The following PRDM16 variants were observed in gnomAD, a reference collection of about 807,000 sequenced individuals.
PRDM16 encodes histone-lysine N-methyltransferase PRDM16.
In PRDM16, 23 loss-of-function variants were observed where a neutral mutation model predicts 110.6. The ratio of observed to expected loss-of-function variants is 0.21; its 90% CI spans 0.15 to 0.29. The LOEUF is 0.29. Among genes scored for constraint, PRDM16 ranks in the 10% least tolerant of loss-of-function variants. PRDM16 has a pLI of 1.00. For missense variants in PRDM16, 1,615 were observed against 1,794.3 expected (o/e 0.90, Z 1.81); for synonymous variants, 799 against 781.8 (o/e 1.02, Z -0.37).
At chr1:3,184,048 T>C (rs1485800635) in intron 1 of PRDM16, among the ~76,000 whole-genome samples, 1 of 151,036 alleles carries the variant, frequency 6.6e-6, no homozygotes, top group African/African-American at 2.4e-5. Context: ...GCGGGGGTTA[T>C]GGGGGTGTTC....
At chr1:3,174,225 C>T (rs150463879) in intron 1 of PRDM16, among the ~76,000 whole-genome samples, 7 of 152,304 alleles carry the variant, frequency 4.6e-5, no homozygotes, top group African/African-American at 1.7e-4. Flanking sequence ...GTCACCTGGG[C>T]ATGTCTCTGT....
At chr1:3,131,934 T>G (rs1005491626) in intron 1 of PRDM16, among the ~76,000 whole-genome samples, 12 of 152,218 alleles carry the variant, frequency 7.9e-5, no homozygotes, top group Admixed American at 6.5e-5. Context: ...ATACTTAAAA[T>G]GCTAGTCCGT....
At chr1:3,343,263 G>T (rs116762128) in intron 3 of PRDM16, among the ~76,000 whole-genome samples, 1 of 147,684 alleles carries the variant, frequency 6.8e-6, no homozygotes, top group Non-Finnish European at 1.5e-5. Flanking sequence ...ATTTTCACTG[G>T]GTATAAGTGC....
chr1:3,155,297 TAAA>T (rs1643841438), intron 1 of PRDM16, among the ~76,000 whole-genome samples: 2 of 151,814 alleles, frequency 1.3e-5, no homozygotes, highest in African/African-American at 4.8e-5. Context: ...TGAAAGAAAA[TAAA>T]ATAGGGGAAA....
chr1:3,138,292 C>G (rs1408343804), intron 1 of PRDM16, among the ~76,000 whole-genome samples: 2 of 152,228 alleles, frequency 1.3e-5, no homozygotes, highest in African/African-American at 4.8e-5. Context: ...TGCCACAAGC[C>G]TTTTTGCATC....
At chr1:3,167,269 C>T (rs532112808) in intron 1 of PRDM16, among the ~76,000 whole-genome samples, 2 of 152,254 alleles carry the variant, frequency 1.3e-5, no homozygotes, top group South Asian at 2.1e-4. Context: ...TTGCCCTTTA[C>T]GTGAGAGGAA....
chr1:3,287,306 G>A (rs1640871378), intron 3 of PRDM16, among the ~76,000 whole-genome samples: 1 of 144,234 alleles, frequency 6.9e-6, no homozygotes, highest in Non-Finnish European at 1.5e-5. Context: ...CATTTACCGG[G>A]GCTGGAGCCG....
Position 3,430,901 on chromosome 1 carries a change from C to T in PRDM16, c.3314C>T (p.Ala1105Val). The change falls in exon 15 of 17, where the codon GCC (alanine) becomes GTC (valine). Residue 1105 changes from alanine to valine, a missense_variant. Ala to Val is a moderately conservative substitution (Grantham distance 64). This residue lies in a region of PRDM16 where 327 missense variants were observed against 359.3 expected (regional missense o/e 0.91). Transcript: ENST00000270722. ...GACATGCAGATCGTGGACGGCAGTGCCCAGTGTCCAGGCCTAGCCAGTGAG... is the reference window on the plus strand; with the variant it reads ...GACATGCAGATCGTGGACGGCAGTGTCCAGTGTCCAGGCCTAGCCAGTGAG... Reference protein sequence around the residue: ...RADMQIVDGSAQCPGLASEKQ... With the variant: ...RADMQIVDGSVQCPGLASEKQ... 6.2e-7 allele frequency: 1 copy of T among 1,614,102 alleles called. No individual in the cohort carries two copies. Among genetic ancestry groups the T allele is most frequent in the Non-Finnish European group, 8.5e-7 (1 of 1,180,020 alleles).
intron 5 of PRDM16, among the ~76,000 whole-genome samples, chr1:3,402,419 G>A (rs1009659501): frequency 2.8e-4 from 43 of 152,236 alleles, no homozygotes; most frequent in Admixed American, 1.4e-3. Flanking sequence ...CTCTGTCATC[G>A]TTTTTCTCCT....
At chr1:3,360,003 C>T (rs1008420727) in intron 3 of PRDM16, among the ~76,000 whole-genome samples, 3 of 152,248 alleles carry the variant, frequency 2.0e-5, no homozygotes, top group African/African-American at 4.8e-5. Context: ...CAACAGCAAA[C>T]GTAATTAACT....
At chr1:3,428,787 T>TCC (rs1249762553) in intron 14 of PRDM16, among the ~76,000 whole-genome samples, 1 of 150,396 alleles carries the variant, frequency 6.6e-6, no homozygotes, top group Non-Finnish European at 1.5e-5. Context: ...CAGCCCCCGG[T>TCC]ACCTCAGAAT....
At chr1:3,259,196 G>A (rs912496341) in intron 3 of PRDM16, among the ~76,000 whole-genome samples, 3 of 152,220 alleles carry the variant, frequency 2.0e-5, no homozygotes, top group African/African-American at 7.2e-5. Context: ...ACCGGCCCAA[G>A]GGGAGGCTCG....
intron 1 of PRDM16, among the ~76,000 whole-genome samples, chr1:3,171,874 C>G (rs1017440754): frequency 6.6e-6 from 1 of 152,114 alleles, no homozygotes; most frequent in Non-Finnish European, 1.5e-5. Context: ...CTGCTTGGAT[C>G]AGGCGCCTCC....
At chr1:3,096,423 A>T (rs1471129538) in intron 1 of PRDM16, among the ~76,000 whole-genome samples, 2 of 152,046 alleles carry the variant, frequency 1.3e-5, no homozygotes, top group Non-Finnish European at 2.9e-5. Flanking sequence ...GCCATAGGGG[A>T]AGGAATGAGG....
At chr1:3,146,687 G>A (rs144330171) in intron 1 of PRDM16, among the ~76,000 whole-genome samples, 1,581 of 137,856 alleles carry the variant, frequency 0.011, 51 homozygotes, top group East Asian at 0.098. Flanking sequence ...GTGTGTGCAC[G>A]TGTGTTTGGT....
At chr1:3,164,888 G>A (rs541058964) in intron 1 of PRDM16, among the ~76,000 whole-genome samples, 1 of 152,304 alleles carries the variant, frequency 6.6e-6, no homozygotes, top group African/African-American at 2.4e-5. Flanking sequence ...TGGGAAGGCC[G>A]TCGCCACCGT....
intron 2 of PRDM16, 158 bp downstream of exon 2, chr1:3,186,632 G>T (rs760452679): frequency 1.7e-6 from 1 of 573,282 alleles, no homozygotes; most frequent in East Asian, 3.0e-5. Flanking sequence ...CCTGCAGCTC[G>T]CCTGATGCGA....
In PRDM16 at chr1:3,425,269, G is replaced by A. The variant is rs946520337; in HGVS notation, c.2940-312G>A. 4.8e-5 allele frequency: 10 copies of A among 206,914 alleles called. No individual in the cohort carries two copies. In the East Asian group the frequency reaches 6.7e-4, roughly 14 times the overall value. The allele number at this position is 206,914 out of a possible 1,614,324, so 12.8% of individuals were successfully genotyped here. ...ATTTTTTTGTATTTTTAGTAGAGAC[G>A]GGGTTTCACCATGTCAGCCAGGATG... On this transcript the variant is annotated intron_variant, in intron 12 of 16. Coordinates refer to ENST00000270722, the MANE Select transcript of PRDM16 (RefSeq NM_022114.4). This position sits in a 1 kb window ranked among gnomAD's most constrained non-coding sequence, Gnocchi z 6.9.
At chr1:3,153,443 G>A (rs1643810983) in intron 1 of PRDM16, among the ~76,000 whole-genome samples, 1 of 152,220 alleles carries the variant, frequency 6.6e-6, no homozygotes, top group Non-Finnish European at 1.5e-5. Context: ...AGGACGGGCG[G>A]GCGGTTCCCC....
Sources: gnomAD v4.1 joint callset for allele counts (sites outside exome capture counted in the v4.1 genomes callset) on GRCh38, gnomAD v4.1.1 for gene constraint, gnomAD v4.1.1 regional missense constraint, Gnocchi (gnomAD v3.1) non-coding constraint, MANE v1.5 for transcripts, NCBI Gene and HGNC (gene_info 2026-07-23, HGNC 2026-07-21) for gene names.